The following SPMIP4 variants were observed in gnomAD, a reference collection of about 807,000 sequenced individuals.
SPMIP4 encodes sperm microtubule inner protein 4.
chr7:25,160,338 G>A, the SPMIP4 span, among the ~76,000 whole-genome samples: 22 of 83,742 alleles, frequency 2.6e-4, no homozygotes, highest in African/African-American at 6.0e-4. Context: ...TGCTCTTGTC[G>A]CCCAGACTAG....
chr7:25,168,192 G>T, the SPMIP4 span: 2 of 1,026,896 alleles, frequency 1.9e-6, no homozygotes, highest in Non-Finnish European at 1.4e-6. Flanking sequence ...AGAGAAATAA[G>T]TTTGAAGACA....
the SPMIP4 span, among the ~76,000 whole-genome samples, chr7:25,126,366 T>C: frequency 6.6e-6 from 1 of 151,974 alleles, no homozygotes; most frequent in African/African-American, 2.4e-5. Context: ...TTAGTAGAGA[T>C]GGGGTTTCAC....
the SPMIP4 span, among the ~76,000 whole-genome samples, chr7:25,169,006 G>A: frequency 0.36 from 55,123 of 151,444 alleles, 12,341 homozygotes; most frequent in Non-Finnish European, 0.5. Flanking sequence ...GAGATTACAG[G>A]TGTGAGCCAC....
the SPMIP4 span, among the ~76,000 whole-genome samples, chr7:25,165,877 T>C: frequency 6.6e-6 from 1 of 152,210 alleles, no homozygotes; most frequent in Non-Finnish European, 1.5e-5. Context: ...AAGACTGTCA[T>C]CTTTACAATA....
the SPMIP4 span, among the ~76,000 whole-genome samples, chr7:25,149,295 T>C: frequency 6.6e-6 from 1 of 151,814 alleles, no homozygotes; most frequent in Non-Finnish European, 1.5e-5. Context: ...GTAGATTACC[T>C]CCCCAATTAA....
chr7:25,174,520 G>A, the SPMIP4 span, among the ~76,000 whole-genome samples: 7 of 152,154 alleles, frequency 4.6e-5, no homozygotes, highest in African/African-American at 1.4e-4. This position sits in a 1 kb window ranked among gnomAD's most constrained non-coding sequence, Gnocchi z 4.5. Context: ...ACTAGGAGGC[G>A]TGACTAGAGA....
chr7:25,135,853 T>A, the SPMIP4 span: 1 of 1,423,578 alleles, frequency 7.0e-7, no homozygotes. Context: ...AATGTAAACC[T>A]CACTAACAAG....
chr7:25,174,331 T>G, the SPMIP4 span, among the ~76,000 whole-genome samples: 2 of 125,770 alleles, frequency 1.6e-5, no homozygotes, highest in African/African-American at 2.5e-5. This position sits in a 1 kb window ranked among gnomAD's most constrained non-coding sequence, Gnocchi z 4.5. Context: ...ATAAAATACA[T>G]CTCTATAACA....
At chr7:25,144,083 A>AT in the SPMIP4 span, among the ~76,000 whole-genome samples, 1 of 152,150 alleles carries the variant, frequency 6.6e-6, no homozygotes, top group Non-Finnish European at 1.5e-5. Context: ...AGAGGTATGG[A>AT]TAGTGGTGGC....
chr7:25,151,797 C>A, the SPMIP4 span: 1 of 577,294 alleles, frequency 1.7e-6, no homozygotes, highest in Non-Finnish European at 3.0e-6. Context: ...GTACATTTTA[C>A]CTATGTAGTT....
chr7:25,166,660 G>A, the SPMIP4 span, among the ~76,000 whole-genome samples: 1 of 151,976 alleles, frequency 6.6e-6, no homozygotes, highest in Non-Finnish European at 1.5e-5. Context: ...GCCGAGGCAG[G>A]TGGATCACCT....
At chr7:25,166,233 CT>C in the SPMIP4 span, among the ~76,000 whole-genome samples, 14 of 131,188 alleles carry the variant, frequency 1.1e-4, no homozygotes, top group Admixed American at 2.5e-4. Context: ...TTTCCGTCTT[CT>C]TTTTTTTTTT....
chr7:25,126,606 T>C, the SPMIP4 span, among the ~76,000 whole-genome samples: 2 of 152,224 alleles, frequency 1.3e-5, no homozygotes, highest in Non-Finnish European at 2.9e-5. Context: ...TTAAAACTTT[T>C]TCTTGTTTCT....
At chr7:25,148,344 C>T in the SPMIP4 span, among the ~76,000 whole-genome samples, 2 of 152,096 alleles carry the variant, frequency 1.3e-5, no homozygotes, top group South Asian at 2.1e-4. Context: ...GAGGCTGAAG[C>T]AGGAGGATGC....
chr7:25,139,768 A>G, the SPMIP4 span, among the ~76,000 whole-genome samples: 1 of 152,192 alleles, frequency 6.6e-6, no homozygotes. Context: ...GACCATATAT[A>G]TTTCTGTATG....
the SPMIP4 span, among the ~76,000 whole-genome samples, chr7:25,174,679 T>G: frequency 6.6e-6 from 1 of 152,186 alleles, no homozygotes; most frequent in Non-Finnish European, 1.5e-5. The surrounding 1 kb of genome is among the most constrained non-coding windows in gnomAD (Gnocchi z 4.5). Context: ...TATTATATAA[T>G]GAAATCCTAA....
chr7:25,157,456 T>G, the SPMIP4 span, among the ~76,000 whole-genome samples: 1 of 151,946 alleles, frequency 6.6e-6, no homozygotes, highest in African/African-American at 2.4e-5. Context: ...AGGACACCTC[T>G]GCCGGGCAGT....
the SPMIP4 span, among the ~76,000 whole-genome samples, chr7:25,174,426 A>G: frequency 2.6e-5 from 4 of 152,316 alleles, no homozygotes; most frequent in South Asian, 8.3e-4. The surrounding 1 kb of genome is among the most constrained non-coding windows in gnomAD (Gnocchi z 4.5). Flanking sequence ...CACATTCCCT[A>G]TAGATGAGCC....
chr7:25,158,734 C>CCAAAAATAA, the SPMIP4 span, among the ~76,000 whole-genome samples: 1 of 151,246 alleles, frequency 6.6e-6, no homozygotes, highest in East Asian at 1.9e-4. Flanking sequence ...TAGAAAAATA[C>CCAAAAATAA]CAAAAATACC....
Sources: allele counts gnomAD v4.1 joint callset (sites outside exome capture counted in the v4.1 genomes callset), GRCh38; gene constraint gnomAD v4.1.1; non-coding constraint Gnocchi (gnomAD v3.1); transcripts MANE v1.5; gene names NCBI Gene and HGNC (gene_info 2026-07-23, HGNC 2026-07-21).